GOLPH3L: variants seen among roughly 807,000 people sequenced by gnomAD.
GOLPH3L encodes golgi phosphoprotein 3 like.
A neutral mutation model predicts 30.3 loss-of-function variants in GOLPH3L; 22 were observed. The observed-to-expected ratio is 0.73, with a 90% confidence interval of 0.52 to 1.04. The LOEUF is 1.04. Among genes scored for constraint, GOLPH3L ranks in the 50% least tolerant of loss-of-function variants. GOLPH3L has a pLI of 0.00. For synonymous variants in GOLPH3L, 120 were observed against 128.2 expected (o/e 0.94, Z 0.43); for missense variants, 303 against 345.8 (o/e 0.88, Z 0.98).
intron 2 of GOLPH3L, among the ~76,000 whole-genome samples, chr1:150,684,934 C>A (rs979018058): frequency 1.3e-5 from 2 of 152,246 alleles, no homozygotes; most frequent in African/African-American, 4.8e-5. Flanking sequence ...TCCCAAAGTG[C>A]TGGGATTACA....
intron 2 of GOLPH3L, among the ~76,000 whole-genome samples, chr1:150,691,265 G>C (rs1651204610): frequency 6.6e-6 from 1 of 152,156 alleles, no homozygotes; most frequent in Non-Finnish European, 1.5e-5. Flanking sequence ...TATAATCCCA[G>C]CACTTTGGGA....
At chr1:150,689,104 T>C (rs969571958) in intron 2 of GOLPH3L, among the ~76,000 whole-genome samples, 4 of 152,230 alleles carry the variant, frequency 2.6e-5, no homozygotes, top group African/African-American at 9.6e-5. Flanking sequence ...ATATTTCCAA[T>C]GGATAATACT....
At chr1:150,664,219 G>A (rs1240323166) in intron 2 of GOLPH3L, among the ~76,000 whole-genome samples, 1 of 151,934 alleles carries the variant, frequency 6.6e-6, no homozygotes, top group East Asian at 1.9e-4. Flanking sequence ...GCCTACGCTG[G>A]TCTCGAACTC....
intron 2 of GOLPH3L, among the ~76,000 whole-genome samples, chr1:150,664,355 G>T (rs1191285700): frequency 6.6e-6 from 1 of 152,074 alleles, no homozygotes; most frequent in South Asian, 2.1e-4. Flanking sequence ...TTTGAAGTCT[G>T]TTTCCATGAC....
chr1:150,654,747 C>T (rs587699514), intron 4 of GOLPH3L, among the ~76,000 whole-genome samples: 7 of 152,206 alleles, frequency 4.6e-5, no homozygotes, highest in Non-Finnish European at 7.3e-5. Context: ...ATCTGTCCCC[C>T]GCCATAGCAG....
intron 2 of GOLPH3L, among the ~76,000 whole-genome samples, chr1:150,673,166 A>C (rs988475991): frequency 2.0e-5 from 3 of 152,108 alleles, no homozygotes; most frequent in African/African-American, 4.8e-5. Context: ...TTACCCTAAA[A>C]ATTTTTATTT....
At chr1:150,690,506 G>A (rs1651185522) in intron 2 of GOLPH3L, among the ~76,000 whole-genome samples, 1 of 151,998 alleles carries the variant, frequency 6.6e-6, no homozygotes, top group Non-Finnish European at 1.5e-5. Flanking sequence ...CCTTAATTTG[G>A]ACACAAAAAT....
chr1:150,671,055 C>T (rs1180293538), intron 2 of GOLPH3L, among the ~76,000 whole-genome samples: 1 of 151,932 alleles, frequency 6.6e-6, no homozygotes, highest in African/African-American at 2.4e-5. Flanking sequence ...GCCTGGCCAA[C>T]ATGGTGAAAC....
chr1:150,656,741 C>G (rs775719914), intron 4 of GOLPH3L, among the ~76,000 whole-genome samples: 9 of 152,128 alleles, frequency 5.9e-5, no homozygotes, highest in Non-Finnish European at 1.2e-4. Context: ...AAATTATTGT[C>G]CCTCTCACGA....
chr1:150,672,647 T>C (rs1650672833), intron 2 of GOLPH3L, among the ~76,000 whole-genome samples: 1 of 152,136 alleles, frequency 6.6e-6, no homozygotes, highest in Non-Finnish European at 1.5e-5. Context: ...GCCAGGCTGG[T>C]CTCGAACTCC....
chr1:150,649,219 T>G (rs1650051175), intron 4 of GOLPH3L, among the ~76,000 whole-genome samples: 1 of 152,258 alleles, frequency 6.6e-6, no homozygotes, highest in South Asian at 2.1e-4. Flanking sequence ...TGTTCGTAGA[T>G]TAGAGATTCT....
intron 1 of GOLPH3L, among the ~76,000 whole-genome samples, chr1:150,696,567 G>A (rs915209928): frequency 2.0e-5 from 3 of 152,034 alleles, no homozygotes; most frequent in African/African-American, 7.2e-5. Context: ...ATACTCAGAA[G>A]TGCATGTGAA....
At chr1:150,684,812 C>A (rs1458233989) in intron 2 of GOLPH3L, among the ~76,000 whole-genome samples, 1 of 152,044 alleles carries the variant, frequency 6.6e-6, no homozygotes, top group Non-Finnish European at 1.5e-5. Flanking sequence ...GGATTACGGG[C>A]ATGCACTACC....
chr1:150,693,638 G>A (rs939258572), intron 2 of GOLPH3L, among the ~76,000 whole-genome samples: 2 of 150,730 alleles, frequency 1.3e-5, no homozygotes, highest in Non-Finnish European at 2.9e-5. Context: ...GAGAAGCCAG[G>A]GAAATTTCTG....
At chr1:150,666,587 C>G (rs1006274483) in intron 2 of GOLPH3L, among the ~76,000 whole-genome samples, 1 of 152,158 alleles carries the variant, frequency 6.6e-6, no homozygotes, top group African/African-American at 2.4e-5. Flanking sequence ...ATCTGCCTGC[C>G]TCAGCCTCCC....
chr1:150,696,957 G>A (rs1285204731), intron 1 of GOLPH3L, 35 bp downstream of exon 1: 1 of 152,048 alleles, frequency 6.6e-6, no homozygotes, highest in Non-Finnish European at 1.5e-5. Context: ...GTGGGGGGAA[G>A]GGACGTTAGG....
chr1:150,688,581 G>A (rs1347046402), intron 2 of GOLPH3L, among the ~76,000 whole-genome samples: 4 of 152,024 alleles, frequency 2.6e-5, no homozygotes, highest in Admixed American at 6.6e-5. Context: ...GTGAAACCCC[G>A]TCTCTACAAA....
chr1:150,674,921 C>T (rs1650736442), intron 2 of GOLPH3L, among the ~76,000 whole-genome samples: 1 of 151,832 alleles, frequency 6.6e-6, no homozygotes, highest in South Asian at 2.1e-4. Context: ...AACAGGGTTT[C>T]ACTCTGTCAT....
chr1:150,685,899 G>C (rs1651076515), intron 2 of GOLPH3L, among the ~76,000 whole-genome samples: 1 of 124,902 alleles, frequency 8.0e-6, no homozygotes, highest in Non-Finnish European at 1.6e-5. Flanking sequence ...TTTTGAGACA[G>C]AGTCTTGCTC....
Sources: allele counts gnomAD v4.1 joint callset (sites outside exome capture counted in the v4.1 genomes callset), GRCh38; gene constraint gnomAD v4.1.1; transcripts MANE v1.5; gene names NCBI Gene and HGNC (gene_info 2026-07-23, HGNC 2026-07-21).